AQP3: variants seen among roughly 807,000 people sequenced by gnomAD.
AQP3 encodes aquaporin 3 (Gill blood group), also known as aquaporin-3.
A neutral mutation model predicts 30.3 loss-of-function variants in AQP3; 15 were observed. The ratio of observed to expected loss-of-function variants is 0.49; its 90% CI spans 0.33 to 0.76. The LOEUF is 0.76. Among genes scored for constraint, AQP3 ranks in the 30% least tolerant of loss-of-function variants. The probability of loss-of-function intolerance (pLI) is 0.02; values close to 1 mark genes in which losing one functional copy is unlikely to be tolerated. For missense variants in AQP3, 272 were observed against 384.8 expected (o/e 0.71, Z 2.45); for synonymous variants, 153 against 163.2 (o/e 0.94, Z 0.47).
rs918109155 is a variant in AQP3, at chr9:33,442,196, C to T, written c.726G>A (p.Trp242Ter). Reference sequence around the variant, plus strand: ...GTGGGGACACGATGGGCACCCACCACCAATGCTGGCCGGTCCTGGGGGGAC... The same window carrying T: ...GTGGGGACACGATGGGCACCCACCATCAATGCTGGCCGGTCCTGGGGGGAC... ...GSAVFTTGQHWWWVPIVSPLL... is the reference protein window; with the variant it reads ...GSAVFTTGQH The change falls in exon 6 of 6, where the codon TGG becomes TGA. Residue 242 changes from tryptophan to a stop codon, truncating the protein, a stop_gained. Coordinates refer to ENST00000297991, the MANE Select transcript of AQP3 (RefSeq NM_004925.5). LOFTEE classifies it high-confidence loss of function. The T allele has an allele frequency of 1.9e-6, 3 of 1,612,796 alleles. No homozygotes were observed.
At chr9:33,445,156 T>C (rs1250669462) in intron 1 of AQP3, among the ~76,000 whole-genome samples, 1 of 152,136 alleles carries the variant, frequency 6.6e-6, no homozygotes, top group African/African-American at 2.4e-5. Context: ...AAGAACGTAC[T>C]ATGTCTGTTC....
rs1023455712 is a variant in AQP3, at chr9:33,447,580, G to A, written c.-50C>T. On this transcript the variant is annotated 5_prime_UTR_variant, in exon 1 of 6. Transcript: ENST00000297991. ...GGGCGGGCAGGGGTGGCGGGAGGCG[G>A]TGGCGCAGCGAGCAGCGGCCTCCAG... 1.4e-6 allele frequency: 2 copies of A among 1,438,266 alleles called. No individual in the cohort carries two copies. The allele number at this position is 1,438,266 out of a possible 1,614,324, so 89.1% of individuals were successfully genotyped here. A position where few individuals can be genotyped will look rare whatever the true frequency, so the allele number is the denominator to read the frequency against.
At position 33,442,957 on chromosome 9, in the gene AQP3, G is replaced by A; in HGVS notation, c.387C>T (p.His129=). ...AAACAAAAAGCTGGTTGTCGGCGAA[G>A]TGCCAGATTGCATCTGGTGACAGAT... ...VFGLYYDAIW[H]FADNQLFVSG... is the part of the protein sequence containing the mutation. Residue 129 remains histidine, a synonymous_variant, in exon 4 of 6, where the codon CAC becomes CAT. Transcript: ENST00000297991. The A allele has an allele frequency of 6.2e-7, 1 of 1,614,126 alleles. No individual in the cohort carries two copies. The highest frequency in any genetic ancestry group is 2.2e-5 in the East Asian group (1 of 44,888).
chr9:33,443,139 G>C lies in AQP3; in HGVS notation c.374-169C>G. The C allele has an allele frequency of 9.0e-7, 1 of 1,114,576 alleles. No homozygotes were observed. Among genetic ancestry groups the C allele is most frequent in the Non-Finnish European group, 1.3e-6 (1 of 762,410 alleles). The allele number at this position is 1,114,576 out of a possible 1,614,324, so 69.0% of individuals were successfully genotyped here. A position where few individuals can be genotyped will look rare whatever the true frequency, so the allele number is the denominator to read the frequency against. ...GGTGGGGTGGAGGGCCTGAGACTCT[G>C]TTATTGCCCAACTTGTTTCTTTCCC... On this transcript the variant is annotated intron_variant, in intron 3 of 5. Coordinates refer to ENST00000297991, the MANE Select transcript of AQP3 (RefSeq NM_004925.5). This position sits in a 1 kb window ranked among gnomAD's most constrained non-coding sequence, Gnocchi z 5.0.
chr9:33,444,647 T>C (rs1245578364), intron 1 of AQP3, among the ~76,000 whole-genome samples: 1 of 148,484 alleles, frequency 6.7e-6, no homozygotes, highest in Non-Finnish European at 1.5e-5. Context: ...GTGGTGGTGG[T>C]AGTGGTGGCA....
In AQP3 at chr9:33,443,836, A is replaced by C; in HGVS notation, c.165T>G (p.Gly55=). The change falls in exon 2 of 6, where the codon GGT becomes GGG. Residue 55 remains glycine, a synonymous_variant. Coordinates refer to ENST00000297991, the MANE Select transcript of AQP3 (RefSeq NM_004925.5). The surrounding 1 kb of genome is among the most constrained non-coding windows in gnomAD (Gnocchi z 5.0). ...CAAAGGCCAGGTTGATGGTGAGGAA[A>C]CCACCGTGGGTGCCCCGGCTGAGCA... The part of the protein sequence containing the change: ...QVVLSRGTHG[G]FLTINLAFGF... 6.2e-7 allele frequency: 1 copy of C among 1,614,020 alleles called. No homozygotes were observed. The highest frequency in any genetic ancestry group is 1.1e-5 in the South Asian group (1 of 91,058).
intron 1 of AQP3, among the ~76,000 whole-genome samples, chr9:33,445,999 G>T (rs577674265): frequency 6.6e-6 from 1 of 152,194 alleles, no homozygotes; most frequent in Non-Finnish European, 1.5e-5. Flanking sequence ...TGATGATCCT[G>T]GGGCTCAGTG....
chr9:33,441,271 G>T lies in AQP3; in HGVS notation c.*772C>A, dbSNP rs918547394. The T allele has an allele frequency of 2.6e-5, 4 of 153,194 alleles. No homozygotes were observed. The Admixed American group carries it at 2.6e-4, about 10-fold the overall frequency. The allele number at this position is 153,194 out of a possible 1,614,324, so 9.5% of individuals were successfully genotyped here. On this transcript the variant is annotated 3_prime_UTR_variant, in exon 6 of 6. Transcript: ENST00000297991. The stretch of plus-strand genomic sequence containing the variant: ...TTCTAAAGTGGGGTCTCCCATCCCG[G>T]ATCCCTAAGACTGTAACATCTGCTA...
In AQP3 at chr9:33,443,413, G is replaced by A; in HGVS notation, c.281C>T (p.Ala94Val). 6.2e-7 allele frequency: 1 copy of A among 1,610,192 alleles called. No homozygotes were observed. Among genetic ancestry groups the A allele is most frequent in the Non-Finnish European group, 8.5e-7 (1 of 1,178,514 alleles). Residue 94 changes from alanine to valine, a missense_variant, in exon 3 of 6, where the codon GCT (alanine) becomes GTT (valine). By Grantham distance (64) the Ala-to-Val change is moderately conservative. Around this residue, in one of 3 missense-constraint regions of AQP3, gnomAD observed 170 missense variants for 286.4 expected, o/e 0.59. Transcript: ENST00000297991. This position sits in a 1 kb window ranked among gnomAD's most constrained non-coding sequence, Gnocchi z 5.0. The part of the protein sequence containing the change: ...PAVTFAMCFL[A>V]REPWIKLPIY... ...GGGCAGCTTGATCCAGGGCTCACGA[G>A]CCAGGAAGCACATGGCAAAGGTCAC...
At position 33,442,017 on chromosome 9, in the gene AQP3, G is replaced by T; in HGVS notation, c.*26C>A. On this transcript the variant is annotated 3_prime_UTR_variant, in exon 6 of 6. Transcript: ENST00000297991. ...AGTGGATGCTCAAGGCCAGGGCAGCGGAGTGGGGAGATGGCCCCTGCCCAC... is the reference window on the plus strand; with the variant it reads ...AGTGGATGCTCAAGGCCAGGGCAGCTGAGTGGGGAGATGGCCCCTGCCCAC... 2 of 1,610,200 alleles carry T rather than the reference G, an allele frequency of 1.2e-6. No homozygotes were observed. Among genetic ancestry groups the T allele is most frequent in the Non-Finnish European group, 1.7e-6 (2 of 1,177,900 alleles).
chr9:33,444,659 T>C (rs1053537708), intron 1 of AQP3, among the ~76,000 whole-genome samples: 25 of 149,740 alleles, frequency 1.7e-4, no homozygotes, highest in African/African-American at 5.9e-4. Context: ...GTGGTGGCAA[T>C]GGGCGGCATA....
In AQP3 at chr9:33,442,079, C is replaced by T; in HGVS notation, c.843G>A (p.Val281=). 1 of 1,614,000 alleles carries T rather than the reference C, an allele frequency of 6.2e-7. No homozygotes were observed. The highest frequency in any genetic ancestry group is 1.1e-5 in the South Asian group (1 of 91,076). Residue 281 remains valine (V), a synonymous_variant, in exon 6 of 6, where the codon GTG becomes GTA. Transcript: ENST00000297991. ...QPPPSNEEEN[V]KLAHVKHKEQ... is the part of the protein sequence containing the mutation. The stretch of plus-strand genomic sequence containing the variant: ...CCTTGTGCTTCACATGGGCCAGCTT[C>T]ACATTCTCTTCCTCGTTGGAGGGTG...
In AQP3 at chr9:33,442,283, G is replaced by A. The variant is rs766936892; in HGVS notation, c.710+18C>T. 35 of 1,611,826 alleles carry A rather than the reference G, an allele frequency of 2.2e-5. No individual in the cohort carries two copies. Among genetic ancestry groups the A allele is most frequent in the Non-Finnish European group, 2.9e-5 (34 of 1,179,190 alleles). On this transcript the variant is annotated intron_variant, in intron 5 of 5. Coordinates refer to ENST00000297991, the MANE Select transcript of AQP3 (RefSeq NM_004925.5). ...AGGAGAGGCAGGCTGGGGTGAGCTGGGTGGGGGCTGTACTCACGTGAAGAC... is the reference window on the plus strand; with the variant it reads ...AGGAGAGGCAGGCTGGGGTGAGCTGAGTGGGGGCTGTACTCACGTGAAGAC...
At position 33,441,833 on chromosome 9, in the gene AQP3, C is replaced by G. The variant is rs1426044482; in HGVS notation, c.*210G>C. 1.3e-6 allele frequency: 1 copy of G among 760,442 alleles called. No individual in the cohort carries two copies. The highest frequency in any genetic ancestry group is 1.7e-5 in the African/African-American group (1 of 57,450). The allele number at this position is 760,442 out of a possible 1,614,324, so 47.1% of individuals were successfully genotyped here. On this transcript the variant is annotated 3_prime_UTR_variant, in exon 6 of 6. Transcript: ENST00000297991. ...GGATGTATTGACCCAAATTCCGGTT[C>G]CACCCCAGCTTAGGGGCAGTGGCCT... is the stretch of plus-strand genomic sequence containing the variant.
At position 33,442,029 on chromosome 9, in the gene AQP3, T is replaced by A. The variant is rs1826842155; in HGVS notation, c.*14A>T. ...AGGCCAGGGCAGCGGAGTGGGGAGA[T>A]GGCCCCTGCCCACTCAGATCTGCTC... On this transcript the variant is annotated 3_prime_UTR_variant, in exon 6 of 6. Transcript: ENST00000297991. 6.2e-7 allele frequency: 1 copy of A among 1,611,394 alleles called. No homozygotes were observed. The highest frequency in any genetic ancestry group is 1.7e-5 in the Admixed American group (1 of 59,860).
chr9:33,442,987 C>A lies in AQP3; in HGVS notation c.374-17G>T, dbSNP rs762895630. On this transcript the variant is annotated splice_polypyrimidine_tract_variant and intron_variant, in intron 3 of 5. Transcript: ENST00000297991. Reference sequence around the variant, plus strand: ...AGATTGCATCTGGTGACAGATTAGACACACAGTGAGTCGGGGGAGAGGCCT... The same window carrying A: ...AGATTGCATCTGGTGACAGATTAGAAACACAGTGAGTCGGGGGAGAGGCCT... 9.3e-6 allele frequency: 15 copies of A among 1,609,088 alleles called. No individual in the cohort carries two copies. The highest frequency in any genetic ancestry group is 1.2e-5 in the Non-Finnish European group (14 of 1,175,406).
chr9:33,441,878 G>T lies in AQP3; in HGVS notation c.*165C>A. The T allele has an allele frequency of 8.5e-7, 1 of 1,181,262 alleles. No homozygotes were observed. Among genetic ancestry groups the T allele is most frequent in the Non-Finnish European group, 1.2e-6 (1 of 838,072 alleles). The allele number at this position is 1,181,262 out of a possible 1,614,324, so 73.2% of individuals were successfully genotyped here. A position where few individuals can be genotyped will look rare whatever the true frequency, so the allele number is the denominator to read the frequency against. ...TGGCCTAAGGTGCTATTTGGGCAAG[G>T]TCCAGTGGAAATCCTGAAGGGGCTG... On this transcript the variant is annotated 3_prime_UTR_variant, in exon 6 of 6. Transcript: ENST00000297991.
Position 33,443,182 on chromosome 9 carries a change from G to C in AQP3, c.373+139C>G. On this transcript the variant is annotated intron_variant, in intron 3 of 5. Transcript: ENST00000297991. The surrounding 1 kb of genome is among the most constrained non-coding windows in gnomAD (Gnocchi z 5.0). ...TCTTTCCCTTCGTGCCCCCTACCTTGACCCTGTGCGTGAATGAGTGAGTCA... is the reference window on the plus strand; with the variant it reads ...TCTTTCCCTTCGTGCCCCCTACCTTCACCCTGTGCGTGAATGAGTGAGTCA... 1 of 1,340,246 alleles carries C rather than the reference G, an allele frequency of 7.5e-7. No individual in the cohort carries two copies. Among genetic ancestry groups the C allele is most frequent in the Non-Finnish European group, 1.0e-6 (1 of 961,140 alleles). The allele number at this position is 1,340,246 out of a possible 1,614,324, so 83.0% of individuals were successfully genotyped here. A position where few individuals can be genotyped will look rare whatever the true frequency, so the allele number is the denominator to read the frequency against.
chr9:33,445,105 T>C (rs1826896225), intron 1 of AQP3, among the ~76,000 whole-genome samples: 1 of 152,184 alleles, frequency 6.6e-6, no homozygotes, highest in Non-Finnish European at 1.5e-5. Context: ...GAGAACAGCC[T>C]GGGCAACATA....
Sources: allele counts gnomAD v4.1 joint callset (sites outside exome capture counted in the v4.1 genomes callset), GRCh38; gene constraint gnomAD v4.1.1; regional missense constraint gnomAD v4.1.1; non-coding constraint Gnocchi (gnomAD v3.1); transcripts MANE v1.5; gene names NCBI Gene and HGNC (gene_info 2026-07-23, HGNC 2026-07-21).